TSR3: variants seen among roughly 807,000 people sequenced by gnomAD.
TSR3 encodes TSR3 ribosome maturation factor, also known as 18S rRNA aminocarboxypropyltransferase.
Under a neutral mutation model 28.1 loss-of-function variants are expected in TSR3, and 31 were observed. That is an observed-to-expected ratio of 1.10 (90% CI 0.83 to 1.49). TSR3 has a LOEUF of 1.49. Ranked by LOEUF, TSR3 falls within the 40% of genes most tolerant of loss-of-function variation. TSR3 has a pLI of 0.00. For synonymous variants in TSR3, 219 were observed against 197.2 expected, an observed-to-expected ratio of 1.11 and a Z score of -0.93; for missense variants, 511 against 444.0, an observed-to-expected ratio of 1.15 and a Z score of -1.36.
In TSR3 at chr16:1,349,566, T is replaced by C. The variant is rs144643050; in HGVS notation, c.810A>G (p.Pro270=). 7,011 of 1,612,774 alleles carry C rather than the reference T, an allele frequency of 4.3e-3. 26 individuals are homozygous for C. The highest frequency in any genetic ancestry group is 5.5e-3 in the Non-Finnish European group (6,531 of 1,179,842). The change falls in exon 6 of 6, where the codon CCA becomes CCG. Residue 270 remains proline, a synonymous_variant. Coordinates refer to ENST00000007390, the MANE Select transcript of TSR3 (RefSeq NM_001001410.3). Reference sequence around the variant, plus strand: ...CTCCTCCGCGCTCGGCGCCAGGCCCTGGGTCCTCAGACGCATCACTGTCAT... The same window carrying C: ...CTCCTCCGCGCTCGGCGCCAGGCCCCGGGTCCTCAGACGCATCACTGTCAT... The part of the protein sequence containing the change: ...DTDDSDASED[P]GPGAERGGAS...
chr16:1,349,730 C>T (rs1362426950), intron 5 of TSR3, 122 bp from the exon 6 acceptor site: 57 of 1,389,302 alleles, frequency 4.1e-5, no homozygotes, highest in Non-Finnish European at 4.9e-5. Context: ...CTCTCCACAC[C>T]CAAACCTCTC....
Position 1,350,134 on chromosome 16 carries a change from G to A in TSR3, c.627C>T (p.Gly209=). The part of the protein sequence containing the change: ...RQLLDKYAAC[G]SPEEVLQAEQ... Reference sequence around the variant, plus strand: ...CCGCCTGCAGCACCTCCTCCGGGCTGCCGCAGGCCGCGTACTTGTCCAGGA... The same window carrying A: ...CCGCCTGCAGCACCTCCTCCGGGCTACCGCAGGCCGCGTACTTGTCCAGGA... Residue 209 remains glycine (G), a synonymous_variant, in exon 4 of 6, where the codon GGC becomes GGT. Coordinates refer to ENST00000007390, the MANE Select transcript of TSR3 (RefSeq NM_001001410.3). 1 of 1,612,310 alleles carries A rather than the reference G, an allele frequency of 6.2e-7. No homozygotes were observed. Among genetic ancestry groups the A allele is most frequent in the Non-Finnish European group, 8.5e-7 (1 of 1,179,618 alleles).
Position 1,351,376 on chromosome 16 carries a change from T to A in TSR3, c.332+3A>T, listed in dbSNP as rs971507519. 1.9e-6 allele frequency: 3 copies of A among 1,579,348 alleles called. No homozygotes were observed. The highest frequency in any genetic ancestry group is 2.6e-6 in the Non-Finnish European group (3 of 1,171,842). On this transcript the variant is annotated splice_donor_region_variant and intron_variant, in intron 2 of 5. Transcript: ENST00000007390. ...CGACCTCGGGCAGGCCTCCCGCGCCTACCTGTCTGCGGGGGACGCGTACTG... is the reference window on the plus strand; with the variant it reads ...CGACCTCGGGCAGGCCTCCCGCGCCAACCTGTCTGCGGGGGACGCGTACTG...
rs745372711 is a variant in TSR3 at position 1,350,953 on chromosome 16, G to A, written c.380C>T (p.Ala127Val). 1 of 1,612,728 alleles carries A rather than the reference G, an allele frequency of 6.2e-7. No individual in the cohort carries two copies. Among genetic ancestry groups the A allele is most frequent in the East Asian group, 2.2e-5 (1 of 44,876 alleles). ...SGVAVIDCSW[A>V]RLDETPFGKM... ...CCCAAACGGTGTCTCGTCCAGCCTG[G>A]CCCAGGAGCAGTCGATGACGGCGAC... The change falls in exon 3 of 6, where the codon GCC becomes GTC. Residue 127 changes from alanine (A) to valine (V), a missense_variant. Transcript: ENST00000007390.
chr16:1,351,190 C>T (rs2034666655), intron 2 of TSR3, among the ~76,000 whole-genome samples, 189 bp downstream of exon 2: 1 of 152,244 alleles, frequency 6.6e-6, no homozygotes, highest in African/African-American at 2.4e-5. Flanking sequence ...ATTCACTCAA[C>T]AAACGTTTAT....
At position 1,350,589 on chromosome 16, in the gene TSR3, G is replaced by A. The variant is rs774308424; in HGVS notation, c.526+218C>T. Among the ~76,000 whole-genome samples the A allele has an allele frequency of 5.3e-5, 8 of 152,122 alleles. No individual in the cohort carries two copies. The South Asian group carries it at 1.0e-3, about 20-fold the overall frequency. On this transcript the variant is annotated intron_variant, in intron 3 of 5. Transcript: ENST00000007390. ...GATAATGAATGGCACCCCACACACCGGCCCTGATAGAACAGCGATCCCATT... is the reference window on the plus strand; with the variant it reads ...GATAATGAATGGCACCCCACACACCAGCCCTGATAGAACAGCGATCCCATT...
chr16:1,349,276 G>C lies in TSR3; in HGVS notation c.*161C>G. On this transcript the variant is annotated 3_prime_UTR_variant, in exon 6 of 6. Transcript: ENST00000007390. ...CAGCTTCATTTGCGAGAGCGCCGAG[G>C]CAGGACACAGAGCACAGCTGTGCTG... 1.3e-6 allele frequency: 1 copy of C among 795,890 alleles called. No homozygotes were observed. The highest frequency in any genetic ancestry group is 2.5e-5 in the East Asian group (1 of 40,738). 49.3% of individuals were successfully genotyped at this position (795,890 alleles called of 1,614,324 possible). A position where few individuals can be genotyped will look rare whatever the true frequency, so the allele number is the denominator to read the frequency against.
At chr16:1,351,237 C>T (rs2034668608) in intron 2 of TSR3, 142 bp downstream of exon 2, 10 of 1,042,610 alleles carry the variant, frequency 9.6e-6, no homozygotes, top group South Asian at 3.3e-5. Context: ...CTCTGCGCTA[C>T]GCAACGGAGG....
At chr16:1,349,811 G>A in intron 5 of TSR3, 78 bp downstream of exon 5, 2 of 1,555,780 alleles carry the variant, frequency 1.3e-6, no homozygotes. Context: ...CCACCCCCAG[G>A]CAGCAGGAAG....
Position 1,351,613 on chromosome 16 carries a change from G to C in TSR3, c.113-15C>G, listed in dbSNP as rs959983428. On this transcript the variant is annotated splice_polypyrimidine_tract_variant and intron_variant, in intron 1 of 5. Coordinates refer to ENST00000007390, the MANE Select transcript of TSR3 (RefSeq NM_001001410.3). ...CTCCACGGAAGCTGCACGAGAGAGA[G>C]AAGGGCACTCGGCCTCAGCGTGGGA... is the stretch of plus-strand genomic sequence containing the variant. 8 of 1,465,494 alleles carry C rather than the reference G, an allele frequency of 5.5e-6. No individual in the cohort carries two copies. The highest frequency in any genetic ancestry group is 7.2e-6 in the Non-Finnish European group (8 of 1,118,152). The allele number at this position is 1,465,494 out of a possible 1,614,324, so 90.8% of individuals were successfully genotyped here.
chr16:1,351,773 C>G lies in TSR3; in HGVS notation c.32G>C (p.Gly11Ala), dbSNP rs1469379894. 9 of 1,346,434 alleles carry G rather than the reference C, an allele frequency of 6.7e-6. No individual in the cohort carries two copies. Among genetic ancestry groups the G allele is most frequent in the African/African-American group, 1.5e-5 (1 of 64,772 alleles). The allele number at this position is 1,346,434 out of a possible 1,614,324, so 83.4% of individuals were successfully genotyped here. Residue 11 changes from glycine to alanine, a missense_variant, in exon 1 of 6, where the codon GGG becomes GCG. Gly to Ala is a moderately conservative substitution (Grantham distance 60). Transcript: ENST00000007390. ...GTGCCGAGGGCGGCCGCCTTCCGCC[C>G]CCGGCCCGCGCGCTGCCCTCCTGCG... is the stretch of plus-strand genomic sequence containing the variant. MGRRRAARGP[G>A]AEGGRPRHLP...
intron 3 of TSR3, 150 bp from the exon 4 acceptor site, chr16:1,350,384 C>A: frequency 1.2e-6 from 1 of 860,204 alleles, no homozygotes; most frequent in Non-Finnish European, 1.7e-6. Context: ...CCGTGCTGCC[C>A]CCAGCCTGCA....
rs777094302 is a variant in TSR3, at chr16:1,349,936, A to C, written c.720T>G (p.Asp240Glu). Reference sequence around the variant, plus strand: ...TGGGGTTTCCAAACTCTCTCCCTGAATCCACATCGAAGGGATCTGAGCCGA... The same window carrying C: ...TGGGGTTTCCAAACTCTCTCCCTGACTCCACATCGAAGGGATCTGAGCCGA... ...QEEEIDPFDVDSGREFGNPNR... is the reference protein window; with the variant it reads ...QEEEIDPFDVESGREFGNPNR... Residue 240 changes from aspartate to glutamate, a missense_variant, in exon 5 of 6, where the codon GAT (aspartate) becomes GAG (glutamate). Coordinates refer to ENST00000007390, the MANE Select transcript of TSR3 (RefSeq NM_001001410.3). 3 of 1,613,554 alleles carry C rather than the reference A, an allele frequency of 1.9e-6. No individual in the cohort carries two copies. The highest frequency in any genetic ancestry group is 2.2e-5 in the South Asian group (2 of 91,088).
Position 1,351,739 on chromosome 16 carries a change from C to A in TSR3, c.66G>T (p.Thr22=). ...CCTCGGCGAAGGCCTCCAGGGAGCG[C>A]GTCGGGAGGTGCCGAGGGCGGCCGC... is the stretch of plus-strand genomic sequence containing the variant. ...AEGGRPRHLP[T]RSLEAFAEEV... is the part of the protein sequence containing the mutation. The change falls in exon 1 of 6, where the codon ACG becomes ACT. Residue 22 remains threonine (T), a synonymous_variant. Coordinates refer to ENST00000007390, the MANE Select transcript of TSR3 (RefSeq NM_001001410.3). The A allele has an allele frequency of 1.5e-6, 2 of 1,364,584 alleles. No individual in the cohort carries two copies. Among genetic ancestry groups the A allele is most frequent in the Non-Finnish European group, 9.4e-7 (1 of 1,063,726 alleles). The allele number at this position is 1,364,584 out of a possible 1,614,324, so 84.5% of individuals were successfully genotyped here.
At position 1,350,840 on chromosome 16, in the gene TSR3, C is replaced by A; in HGVS notation, c.493G>T (p.Val165Leu). The change falls in exon 3 of 6, where the codon GTG becomes TTG. Residue 165 changes from valine to leucine, a missense_variant. Physicochemically the swap from Val to Leu is conservative, Grantham distance 32 (BLOSUM62 1). Transcript: ENST00000007390. ...NYGRPYRLSC[V>L]EAFAATFCIV... ...CAGAAGGTGGCAGCAAACGCTTCCA[C>A]GCAGGAAAGTCTGTAGGGCCGGCCA... 2 of 1,612,962 alleles carry A rather than the reference C, an allele frequency of 1.2e-6. No individual in the cohort carries two copies. The highest frequency in any genetic ancestry group is 1.7e-6 in the Non-Finnish European group (2 of 1,179,962).
intron 5 of TSR3, 44 bp downstream of exon 5, chr16:1,349,845 A>C (rs1243263674): frequency 6.2e-7 from 1 of 1,607,124 alleles, no homozygotes; most frequent in Non-Finnish European, 8.5e-7. Flanking sequence ...GGTAGAAGAG[A>C]GCCCTGGGTC....
Position 1,351,764 on chromosome 16 carries a change from C to G in TSR3, c.41G>C (p.Gly14Ala). Residue 14 changes from glycine to alanine, a missense_variant, in exon 1 of 6, where the codon GGC becomes GCC. Coordinates refer to ENST00000007390, the MANE Select transcript of TSR3 (RefSeq NM_001001410.3). ...RRAARGPGAE[G>A]GRPRHLPTRS... Reference sequence around the variant, plus strand: ...CGTCGGGAGGTGCCGAGGGCGGCCGCCTTCCGCCCCCGGCCCGCGCGCTGC... The same window carrying G: ...CGTCGGGAGGTGCCGAGGGCGGCCGGCTTCCGCCCCCGGCCCGCGCGCTGC... 7.4e-7 allele frequency: 1 copy of G among 1,351,490 alleles called. No individual in the cohort carries two copies. Among genetic ancestry groups the G allele is most frequent in the South Asian group, 1.8e-5 (1 of 55,838 alleles). The allele number at this position is 1,351,490 out of a possible 1,614,324, so 83.7% of individuals were successfully genotyped here.
chr16:1,351,259 G>T (rs2034669433), intron 2 of TSR3, 120 bp downstream of exon 2: 1 of 1,185,238 alleles, frequency 8.4e-7, no homozygotes, highest in Non-Finnish European at 1.2e-6. Flanking sequence ...AAACTAGACA[G>T]ACGTTCCCTG....
intron 3 of TSR3, 100 bp from the exon 4 acceptor site, chr16:1,350,334 G>A (rs1429951571): frequency 1.2e-5 from 16 of 1,293,600 alleles, no homozygotes; most frequent in Non-Finnish European, 1.6e-5. Context: ...CCAAGTAACC[G>A]CAGGGTCCCC....
Sources: gnomAD v4.1 joint callset for allele counts (sites outside exome capture counted in the v4.1 genomes callset) on GRCh38, gnomAD v4.1.1 for gene constraint, MANE v1.5 for transcripts, NCBI Gene and HGNC (gene_info 2026-07-23, HGNC 2026-07-21) for gene names.